Variants in PLXNA4 observed in about 807,000 individuals in gnomAD.
The protein encoded by PLXNA4 is plexin A4, also known as plexin-A4.
PLXNA4 carries 44 observed loss-of-function variants against 191.8 expected under a neutral mutation model. The ratio of observed to expected loss-of-function variants is 0.23; its 90% confidence interval spans 0.18 to 0.29. The LOEUF (loss-of-function observed/expected upper bound fraction) is 0.29, where lower values mean the gene tolerates loss of function less well. Ranked by LOEUF, PLXNA4 falls within the 10% of genes least tolerant of loss-of-function variation. The pLI is 1.00. For missense variants in PLXNA4, 1,800 were observed against 2,488.8 expected (o/e 0.72, Z 5.89); for synonymous variants, 1,082 against 1,009.5 (o/e 1.07, Z -1.36).
At chr7:132,261,427 G>A (rs1227060448) in intron 4 of PLXNA4, among the ~76,000 whole-genome samples, 2 of 152,228 alleles carry the variant, frequency 1.3e-5, no homozygotes, top group African/African-American at 4.8e-5. Flanking sequence ...AGAAGCACCA[G>A]CGCAATCCAG....
intron 3 of PLXNA4, among the ~76,000 whole-genome samples, chr7:132,395,354 A>G (rs1450625881): frequency 1.3e-5 from 2 of 152,198 alleles, no homozygotes; most frequent in African/African-American, 4.8e-5. Context: ...TGGGGACAAG[A>G]TGAATAAGCA....
At chr7:132,622,353 A>T (rs1337213150) in intron 2 of PLXNA4, among the ~76,000 whole-genome samples, 3 of 152,192 alleles carry the variant, frequency 2.0e-5, no homozygotes, top group African/African-American at 7.2e-5. Flanking sequence ...TTATTCAAGC[A>T]TTTGTGGGGT....
chr7:132,324,456 T>C (rs971659457), intron 3 of PLXNA4, among the ~76,000 whole-genome samples: 3 of 152,246 alleles, frequency 2.0e-5, no homozygotes, highest in African/African-American at 4.8e-5. Context: ...GAGCTTGTAA[T>C]ACAGCTTCAT....
At chr7:132,306,658 T>TTGAA (rs1049351268) in intron 3 of PLXNA4, among the ~76,000 whole-genome samples, 5 of 152,142 alleles carry the variant, frequency 3.3e-5, no homozygotes, top group Non-Finnish European at 7.4e-5. Flanking sequence ...TAAGTACTCG[T>TTGAA]TGAATGAATG....
At position 132,203,433 on chromosome 7, in the gene PLXNA4, G is replaced by A. The variant is rs566083738; in HGVS notation, c.2299-14C>T. ...TTCATAGGAATACTGCAGCCAGGTC[G>A]GGGAGGAGGAAAGAAGAAAGTGGGG... On this transcript the variant is annotated splice_polypyrimidine_tract_variant and intron_variant, in intron 10 of 31. Transcript: ENST00000321063. 5.4e-5 allele frequency: 87 copies of A among 1,611,680 alleles called. 1 individual carries two copies. Among genetic ancestry groups the A allele is most frequent in the South Asian group, 2.3e-4 (21 of 91,048 alleles).
chr7:132,450,968 T>A (rs1489802217), intron 3 of PLXNA4, among the ~76,000 whole-genome samples: 1 of 152,142 alleles, frequency 6.6e-6, no homozygotes, highest in African/African-American at 2.4e-5. Flanking sequence ...GAAAGATGAT[T>A]CAAGTCAGAG....
At chr7:132,577,248 G>C (rs1275226221), upstream of PLXNA4, 2 of 151,348 alleles carry the variant, frequency 1.3e-5, no homozygotes, top group Non-Finnish European at 2.9e-5. Context: ...CGGGGCCGCC[G>C]CTGGCTCGGC....
chr7:132,486,179 A>G (rs895027051), intron 3 of PLXNA4, among the ~76,000 whole-genome samples: 2 of 152,214 alleles, frequency 1.3e-5, no homozygotes, highest in African/African-American at 4.8e-5. Context: ...TATGATTTCC[A>G]TTATTCTCAC....
chr7:132,276,803 G>A (rs1800298030), intron 4 of PLXNA4, among the ~76,000 whole-genome samples: 1 of 152,136 alleles, frequency 6.6e-6, no homozygotes, highest in African/African-American at 2.4e-5. Flanking sequence ...TAGATTTTCT[G>A]AACTCATATC....
intron 3 of PLXNA4, among the ~76,000 whole-genome samples, chr7:132,304,317 G>T (rs537049738): frequency 2.0e-5 from 3 of 152,210 alleles, no homozygotes; most frequent in African/African-American, 7.2e-5. Context: ...CTCAGCCCCC[G>T]TAGATAGTTC....
At chr7:132,281,688 G>A (rs1389116152) in intron 4 of PLXNA4, among the ~76,000 whole-genome samples, 1 of 152,074 alleles carries the variant, frequency 6.6e-6, no homozygotes, top group Non-Finnish European at 1.5e-5. Context: ...TTTTATATTG[G>A]AGGGAAAGAT....
chr7:132,550,135 G>T (rs1351176720), intron 1 of PLXNA4, among the ~76,000 whole-genome samples: 1 of 152,114 alleles, frequency 6.6e-6, no homozygotes, highest in Non-Finnish European at 1.5e-5. Flanking sequence ...TACCCTGAAG[G>T]AAGTGAACGT....
At chr7:132,369,868 A>G (rs555393078) in intron 3 of PLXNA4, among the ~76,000 whole-genome samples, 1 of 151,984 alleles carries the variant, frequency 6.6e-6, no homozygotes, top group East Asian at 1.9e-4. Context: ...GGAGATTGAG[A>G]CCATCCTGGT....
At chr7:132,195,870 A>G (rs1316856240) in intron 13 of PLXNA4, among the ~76,000 whole-genome samples, 1 of 152,190 alleles carries the variant, frequency 6.6e-6, no homozygotes, top group East Asian at 1.9e-4. Flanking sequence ...TTGCCACACT[A>G]AAGTTTAAAA....
At chr7:132,145,383 G>C in intron 28 of PLXNA4, 95 bp from the exon 29 acceptor site, 6 of 1,544,116 alleles carry the variant, frequency 3.9e-6, no homozygotes, top group Non-Finnish European at 4.4e-6. Flanking sequence ...AGGGGAGGAT[G>C]GTATACAGCC....
chr7:132,484,974 A>G, intron 3 of PLXNA4: 1 of 1,613,726 alleles, frequency 6.2e-7, no homozygotes, highest in Non-Finnish European at 8.5e-7. Flanking sequence ...ACTCCAATCC[A>G]CTCCTGGGTG....
intron 3 of PLXNA4, among the ~76,000 whole-genome samples, chr7:132,409,450 G>A (rs1794361995): frequency 6.6e-6 from 1 of 152,158 alleles, no homozygotes; most frequent in South Asian, 2.1e-4. Flanking sequence ...TGGTCTCATG[G>A]TTTCCAGTTC....
chr7:132,423,051 G>T (rs1794904696), intron 3 of PLXNA4, among the ~76,000 whole-genome samples: 1 of 152,168 alleles, frequency 6.6e-6, no homozygotes, highest in African/African-American at 2.4e-5. Context: ...TGCCCCGCTA[G>T]CCCCTTGGGG....
intron 4 of PLXNA4, among the ~76,000 whole-genome samples, chr7:132,287,611 C>T (rs1282627955): frequency 1.3e-5 from 2 of 152,152 alleles, no homozygotes; most frequent in Non-Finnish European, 2.9e-5. Flanking sequence ...TTTCTGGTCA[C>T]CCCCATGGTC....
Sources: allele counts gnomAD v4.1 joint callset (sites outside exome capture counted in the v4.1 genomes callset), GRCh38; gene constraint gnomAD v4.1.1; transcripts MANE v1.5; gene names NCBI Gene and HGNC (gene_info 2026-07-23, HGNC 2026-07-21).